Variants in NKAIN2 observed in about 807,000 individuals in gnomAD.
NKAIN2 encodes the protein sodium/potassium-transporting ATPase subunit beta-1-interacting protein 2.
In NKAIN2, 14 loss-of-function variants were observed where a neutral mutation model predicts 32.6. The ratio of observed to expected loss-of-function variants is 0.43; its 90% CI spans 0.28 to 0.67. The LOEUF (loss-of-function observed/expected upper bound fraction) is 0.67. NKAIN2 is among the 30% of genes least tolerant of loss of function. The pLI is 0.17. For synonymous variants in NKAIN2, 80 were observed against 87.2 expected (o/e 0.92, Z 0.46); for missense variants, 198 against 258.3 (o/e 0.77, Z 1.60).
intron 4 of NKAIN2, among the ~76,000 whole-genome samples, chr6:124,711,077 C>G (rs1484202752): frequency 7.0e-6 from 1 of 142,598 alleles, no homozygotes. Flanking sequence ...TTTTATTTCT[C>G]CTTCACTTAT....
chr6:123,919,696 A>T (rs189970515), intron 1 of NKAIN2, among the ~76,000 whole-genome samples: 1 of 152,066 alleles, frequency 6.6e-6, no homozygotes, highest in African/African-American at 2.4e-5. Flanking sequence ...TGAAGTGTGT[A>T]GTTTTATAAT....
chr6:124,396,602 A>C (rs952312443), intron 3 of NKAIN2, among the ~76,000 whole-genome samples: 1 of 152,120 alleles, frequency 6.6e-6, no homozygotes, highest in African/African-American at 2.4e-5. Context: ...GCCTTACTTA[A>C]AGGGAAGAAG....
intron 1 of NKAIN2, among the ~76,000 whole-genome samples, chr6:123,874,272 C>T (rs1301850216): frequency 6.6e-6 from 1 of 152,158 alleles, no homozygotes; most frequent in Non-Finnish European, 1.5e-5. Flanking sequence ...TGGTTTGTGA[C>T]ACCATTGTGT....
intron 2 of NKAIN2, among the ~76,000 whole-genome samples, chr6:124,321,748 T>A (rs1797201498): frequency 6.6e-6 from 1 of 152,158 alleles, no homozygotes. Flanking sequence ...ATCCCTGGAC[T>A]TTGGGGGCCC....
At chr6:123,812,114 A>C (rs1333760313) in intron 1 of NKAIN2, among the ~76,000 whole-genome samples, 1 of 152,148 alleles carries the variant, frequency 6.6e-6, no homozygotes, top group African/African-American at 2.4e-5. Flanking sequence ...TCCTGCACTA[A>C]ACCTCTGCTT....
chr6:124,794,191 A>T (rs1452081813), intron 5 of NKAIN2, among the ~76,000 whole-genome samples: 1 of 152,206 alleles, frequency 6.6e-6, no homozygotes, highest in Non-Finnish European at 1.5e-5. Context: ...ATGTTAAAGC[A>T]TCAATTTATA....
At chr6:124,329,883 T>TATGGC (rs1313274446) in intron 2 of NKAIN2, among the ~76,000 whole-genome samples, 1 of 152,190 alleles carries the variant, frequency 6.6e-6, no homozygotes, top group Non-Finnish European at 1.5e-5. Context: ...AAACATTCTA[T>TATGGC]ATGGCCTCAG....
chr6:124,277,055 A>C (rs1795068138), intron 1 of NKAIN2, among the ~76,000 whole-genome samples: 1 of 152,174 alleles, frequency 6.6e-6, no homozygotes, highest in Admixed American at 6.5e-5. Flanking sequence ...CCAAGGCAAA[A>C]TCACAGGGCA....
At chr6:124,698,007 G>C in intron 4 of NKAIN2, among the ~76,000 whole-genome samples, 1 of 152,142 alleles carries the variant, frequency 6.6e-6, no homozygotes, top group Middle Eastern at 3.2e-3. Flanking sequence ...GACTGAACAG[G>C]TGATGAAACA....
At chr6:124,257,210 C>T (rs968477754) in intron 1 of NKAIN2, among the ~76,000 whole-genome samples, 17 of 151,810 alleles carry the variant, frequency 1.1e-4, no homozygotes, top group African/African-American at 4.1e-4. Context: ...TTGTGCTGAA[C>T]TAACCAAAGG....
At chr6:123,845,095 C>T (rs1775034676) in intron 1 of NKAIN2, among the ~76,000 whole-genome samples, 1 of 152,146 alleles carries the variant, frequency 6.6e-6, no homozygotes, top group Admixed American at 6.5e-5. Flanking sequence ...ACTTTTGAGA[C>T]AAATAGATGT....
chr6:123,958,891 T>A (rs1777718938), intron 1 of NKAIN2, among the ~76,000 whole-genome samples: 3 of 152,186 alleles, frequency 2.0e-5, no homozygotes, highest in African/African-American at 7.2e-5. Context: ...AATGTTACTG[T>A]TACAAATGAG....
At chr6:123,882,396 G>T (rs1562237130) in intron 1 of NKAIN2, among the ~76,000 whole-genome samples, 1 of 151,814 alleles carries the variant, frequency 6.6e-6, no homozygotes, top group Non-Finnish European at 1.5e-5. Flanking sequence ...CCTAAAATGG[G>T]GACAATTATT....
chr6:124,640,877 T>C (rs1300804083), intron 3 of NKAIN2, among the ~76,000 whole-genome samples: 1 of 152,202 alleles, frequency 6.6e-6, no homozygotes, highest in African/African-American at 2.4e-5. Flanking sequence ...CTCTCATCCT[T>C]CCTTTCTTCT....
chr6:123,849,949 G>GGTT (rs1775248277), intron 1 of NKAIN2, among the ~76,000 whole-genome samples: 8 of 38,690 alleles, frequency 2.1e-4, no homozygotes, highest in African/African-American at 2.9e-4. Flanking sequence ...ACTCAGGCTG[G>GGTT]TTTTTTTTTT....
intron 1 of NKAIN2, among the ~76,000 whole-genome samples, chr6:123,860,075 G>A (rs1338318724): frequency 6.6e-6 from 1 of 152,138 alleles, no homozygotes; most frequent in East Asian, 1.9e-4. Context: ...GATGTGATAA[G>A]GAAAGTCAAT....
intron 4 of NKAIN2, among the ~76,000 whole-genome samples, chr6:124,689,281 T>C (rs895714351): frequency 1.3e-5 from 2 of 152,138 alleles, no homozygotes; most frequent in African/African-American, 2.4e-5. Context: ...ATGTCTTCTT[T>C]GGTGAGGTGT....
chr6:124,535,600 A>AT (rs1174753879), intron 3 of NKAIN2, among the ~76,000 whole-genome samples: 7 of 152,110 alleles, frequency 4.6e-5, no homozygotes, highest in African/African-American at 1.7e-4. Context: ...GAAATACTGG[A>AT]TTTTTTTGCC....
intron 3 of NKAIN2, among the ~76,000 whole-genome samples, chr6:124,580,133 A>C (rs1781469410): frequency 6.6e-6 from 1 of 152,216 alleles, no homozygotes; most frequent in Non-Finnish European, 1.5e-5. Flanking sequence ...AGCAATAAGA[A>C]ATCATCTGAA....
Sources: allele counts gnomAD v4.1 joint callset (sites outside exome capture counted in the v4.1 genomes callset), GRCh38; gene constraint gnomAD v4.1.1; transcripts MANE v1.5; gene names NCBI Gene and HGNC (gene_info 2026-07-23, HGNC 2026-07-21).